The following MED27 variants were observed in gnomAD, a reference collection of about 807,000 sequenced individuals.
MED27 encodes the protein mediator of RNA polymerase II transcription subunit 27.
A neutral mutation model predicts 38.2 loss-of-function variants in MED27; 30 were observed. That is an observed-to-expected ratio of 0.79 (90% CI 0.59 to 1.07). MED27 has a LOEUF of 1.07. Ranked by LOEUF, MED27 falls within the 50% of genes least tolerant of loss-of-function variation. The probability of loss-of-function intolerance (pLI) is 0.00; values close to 1 mark genes in which losing one functional copy is unlikely to be tolerated. For missense variants in MED27, 289 were observed against 397.5 expected (o/e 0.73, Z 2.32); for synonymous variants, 122 against 153.5 (o/e 0.79, Z 1.52).
chr9:131,990,308 A>G (rs1202500891), intron 3 of MED27, among the ~76,000 whole-genome samples: 1 of 152,172 alleles, frequency 6.6e-6, no homozygotes. Flanking sequence ...CCGAGGAGTC[A>G]ACCCCTCTGG....
At chr9:131,901,499 T>G (rs910377982) in intron 4 of MED27, among the ~76,000 whole-genome samples, 4 of 152,116 alleles carry the variant, frequency 2.6e-5, no homozygotes, top group Admixed American at 6.6e-5. Context: ...GCACCTAAAG[T>G]GCTCTGCCAC....
At chr9:131,874,623 T>C (rs751918747) in intron 6 of MED27, among the ~76,000 whole-genome samples, 7 of 152,278 alleles carry the variant, frequency 4.6e-5, no homozygotes, top group Admixed American at 2.0e-4. Context: ...AACCCCAGGA[T>C]AGACACGAGG....
intron 3 of MED27, among the ~76,000 whole-genome samples, chr9:132,011,461 C>G (rs766455844): frequency 1.3e-5 from 2 of 152,178 alleles, no homozygotes; most frequent in Admixed American, 6.5e-5. Context: ...TGTTGCATTT[C>G]TAGCCAACAT....
At chr9:132,061,329 G>C (rs1376469249) in intron 2 of MED27, among the ~76,000 whole-genome samples, 2 of 152,244 alleles carry the variant, frequency 1.3e-5, no homozygotes, top group Non-Finnish European at 1.5e-5. Context: ...GTCTCAGCCA[G>C]CATGGTTAGA....
intron 2 of MED27, among the ~76,000 whole-genome samples, chr9:132,027,570 C>T (rs1057423614): frequency 1.3e-5 from 2 of 152,238 alleles, no homozygotes; most frequent in East Asian, 1.9e-4. Flanking sequence ...TCTGCCAGTA[C>T]ACAGCCATAA....
intron 4 of MED27, among the ~76,000 whole-genome samples, chr9:131,930,714 C>A (rs992549580): frequency 2.6e-5 from 4 of 151,994 alleles, no homozygotes; most frequent in Admixed American, 6.6e-5. Context: ...CAGAAAAACA[C>A]GTAATATTAT....
chr9:131,881,760 CTCCCTCCCTCCT>C (rs1388001810), intron 6 of MED27, among the ~76,000 whole-genome samples: 13 of 149,936 alleles, frequency 8.7e-5, no homozygotes, highest in Admixed American at 6.0e-4. Context: ...TTAGTAACCC[CTCCCTCCCTCCT>C]TCCCTCCCTC....
chr9:132,038,912 C>T (rs951753082), intron 2 of MED27, among the ~76,000 whole-genome samples: 1 of 152,152 alleles, frequency 6.6e-6, no homozygotes, highest in African/African-American at 2.4e-5. Flanking sequence ...CCTAACTGTC[C>T]TTGCTAAATG....
intron 3 of MED27, among the ~76,000 whole-genome samples, chr9:131,977,410 T>C (rs780223605): frequency 2.6e-5 from 4 of 152,210 alleles, no homozygotes; most frequent in Non-Finnish European, 4.4e-5. Context: ...TTTCCTTGTC[T>C]GTAAGAGTAA....
chr9:132,038,069 C>CA (rs1292610054), intron 2 of MED27, among the ~76,000 whole-genome samples: 3 of 146,188 alleles, frequency 2.1e-5, no homozygotes, highest in Non-Finnish European at 3.0e-5. Flanking sequence ...TGCTATTCTA[C>CA]TTTTTTTTTT....
chr9:131,893,809 C>T, intron 5 of MED27, 76 bp downstream of exon 5: 1 of 1,000,434 alleles, frequency 1.0e-6, no homozygotes, highest in Non-Finnish European at 1.6e-6. Flanking sequence ...TTTTTAATGC[C>T]ATTCATCTGG....
At chr9:131,993,998 C>T (rs549911961) in intron 3 of MED27, among the ~76,000 whole-genome samples, 1 of 152,260 alleles carries the variant, frequency 6.6e-6, no homozygotes, top group South Asian at 2.1e-4. Context: ...CTGCCAGCCA[C>T]CCAAGGCCCT....
At chr9:131,876,097 C>T (rs548144758) in intron 6 of MED27, among the ~76,000 whole-genome samples, 68 of 152,290 alleles carry the variant, frequency 4.5e-4, no homozygotes, top group Non-Finnish European at 4.1e-4. Flanking sequence ...GGGTGGGGGC[C>T]GTCCTGCCAT....
At chr9:132,010,521 C>G (rs982963041) in intron 3 of MED27, among the ~76,000 whole-genome samples, 1 of 152,198 alleles carries the variant, frequency 6.6e-6, no homozygotes, top group Non-Finnish European at 1.5e-5. Context: ...ACCCAGCCAT[C>G]CCATTGCTGG....
chr9:131,894,131 A>C (rs770286652), intron 4 of MED27, 139 bp from the exon 5 acceptor site: 6 of 618,472 alleles, frequency 9.7e-6, no homozygotes, highest in Non-Finnish European at 1.8e-5. Flanking sequence ...CCAGCACTGG[A>C]AAATGAACTC....
At chr9:132,054,272 C>T (rs1308430588) in intron 2 of MED27, among the ~76,000 whole-genome samples, 2 of 152,158 alleles carry the variant, frequency 1.3e-5, no homozygotes, top group African/African-American at 2.4e-5. Context: ...CCGCTCCTCT[C>T]AGTGCTCCTG....
intron 2 of MED27, among the ~76,000 whole-genome samples, chr9:132,018,770 C>G (rs776605048): frequency 3.3e-5 from 5 of 152,140 alleles, no homozygotes; most frequent in Non-Finnish European, 4.4e-5. Context: ...TTGAAAACCT[C>G]AAAACTTATA....
chr9:132,062,853 G>A (rs1833729043), intron 2 of MED27, among the ~76,000 whole-genome samples: 1 of 152,074 alleles, frequency 6.6e-6, no homozygotes, highest in Non-Finnish European at 1.5e-5. Context: ...GAACTCCTGG[G>A]CTCAAGCTAT....
At position 131,913,024 on chromosome 9, in the gene MED27, A is replaced by G. The variant is rs1830218772; in HGVS notation, c.574-19032T>C. On this transcript the variant is annotated intron_variant, in intron 4 of 7. Transcript: ENST00000292035. This position sits in a 1 kb window ranked among gnomAD's most constrained non-coding sequence, Gnocchi z 4.5. ...AGGTACAATCTACATATAAGTCCCA[A>G]CTGCACACTAAATTTATCAACAAAA... Among the ~76,000 whole-genome samples, 1 of 152,244 alleles carries G rather than the reference A, an allele frequency of 6.6e-6. No homozygotes were observed. Among genetic ancestry groups the G allele is most frequent in the Non-Finnish European group, 1.5e-5 (1 of 68,046 alleles).
Sources: allele counts gnomAD v4.1 joint callset (sites outside exome capture counted in the v4.1 genomes callset), GRCh38; gene constraint gnomAD v4.1.1; non-coding constraint Gnocchi (gnomAD v3.1); transcripts MANE v1.5; gene names NCBI Gene and HGNC (gene_info 2026-07-23, HGNC 2026-07-21).